The following SMPDL3A variants were observed in gnomAD, a reference collection of about 807,000 sequenced individuals.
SMPDL3A encodes sphingomyelin phosphodiesterase acid like 3A, also known as cyclic GMP-AMP phosphodiesterase SMPDL3A.
A neutral mutation model predicts 38.5 loss-of-function variants in SMPDL3A; 39 were observed. The observed-to-expected ratio is 1.01, with a 90% CI of 0.78 to 1.32. The LOEUF (loss-of-function observed/expected upper bound fraction) is 1.32, where lower values mean the gene tolerates loss of function less well. Ranked by LOEUF, SMPDL3A falls within the 40% of genes most tolerant of loss-of-function variation. The pLI, the probability that SMPDL3A is intolerant of heterozygous loss-of-function variation, is 0.00. For synonymous variants in SMPDL3A, 180 were observed against 194.3 expected (o/e 0.93, Z 0.61); for missense variants, 502 against 536.2 (o/e 0.94, Z 0.63).
chr6:122,804,214 C>G (rs1284682733), intron 5 of SMPDL3A, among the ~76,000 whole-genome samples: 1 of 152,006 alleles, frequency 6.6e-6, no homozygotes, highest in Non-Finnish European at 1.5e-5. Flanking sequence ...TCTTGAACTA[C>G]TGACCTAGGT....
At chr6:122,791,310 G>A (rs796704302) in intron 1 of SMPDL3A, among the ~76,000 whole-genome samples, 54 of 152,136 alleles carry the variant, frequency 3.5e-4, no homozygotes, top group African/African-American at 1.3e-3. Context: ...CTTGTGTATT[G>A]GTACTGTTAA....
intron 7 of SMPDL3A, among the ~76,000 whole-genome samples, chr6:122,808,604 TC>T (rs1562357652): frequency 4.3e-4 from 34 of 79,650 alleles, no homozygotes; most frequent in Middle Eastern, 5.8e-3. Context: ...CCTCCCTCCC[TC>T]CCTCCCTTCC....
chr6:122,796,085 T>C (rs1257673314), intron 2 of SMPDL3A, among the ~76,000 whole-genome samples, 195 bp downstream of exon 2: 1 of 152,068 alleles, frequency 6.6e-6, no homozygotes, highest in Non-Finnish European at 1.5e-5. Flanking sequence ...GGAATACAGA[T>C]TTCAGAAATA....
At chr6:122,790,522 A>G (rs967979783) in intron 1 of SMPDL3A, among the ~76,000 whole-genome samples, 1 of 152,154 alleles carries the variant, frequency 6.6e-6, no homozygotes, top group Non-Finnish European at 1.5e-5. Flanking sequence ...TAGTGCTGAA[A>G]CCTCTTTCGC....
chr6:122,789,527 A>G, intron 1 of SMPDL3A, 69 bp downstream of exon 1: 1 of 1,341,410 alleles, frequency 7.5e-7, no homozygotes, highest in South Asian at 1.3e-5. Flanking sequence ...TGCGCACAGC[A>G]GGAGAAAGTG....
intron 1 of SMPDL3A, among the ~76,000 whole-genome samples, chr6:122,792,634 T>TC (rs139738644): frequency 1.6e-3 from 238 of 146,494 alleles, no homozygotes; most frequent in Non-Finnish European, 3.0e-3. Context: ...TTCTTCTTCT[T>TC]CCCCTTTTTT....
chr6:122,798,616 G>A (rs1781328368), intron 3 of SMPDL3A, among the ~76,000 whole-genome samples: 1 of 152,182 alleles, frequency 6.6e-6, no homozygotes, highest in African/African-American at 2.4e-5. Context: ...TATGAAAAAG[G>A]CATAGCTTAC....
intron 1 of SMPDL3A, among the ~76,000 whole-genome samples, chr6:122,792,820 G>A (rs998113431): frequency 3.3e-5 from 5 of 151,982 alleles, no homozygotes; most frequent in Admixed American, 1.3e-4. Flanking sequence ...GAGCTCAAGC[G>A]ATCTTCCTGC....
At chr6:122,803,608 A>T (rs1333208527) in intron 4 of SMPDL3A, 56 bp from the exon 5 acceptor site, 1 of 1,384,202 alleles carries the variant, frequency 7.2e-7, no homozygotes, top group East Asian at 2.3e-5. Context: ...TTGCTTTCAC[A>T]ATGTTTGTGT....
intron 1 of SMPDL3A, chr6:122,789,793 G>A: frequency 4.1e-6 from 4 of 979,886 alleles, no homozygotes; most frequent in Non-Finnish European, 4.8e-6. Flanking sequence ...GGGAAGGAAG[G>A]AAAAGCTGCG....
intron 3 of SMPDL3A, 102 bp downstream of exon 3, chr6:122,797,070 T>C: frequency 1.1e-6 from 1 of 909,538 alleles, no homozygotes; most frequent in Admixed American, 2.2e-5. Flanking sequence ...GGAATGGGTC[T>C]TATAGAGGGA....
intron 3 of SMPDL3A, among the ~76,000 whole-genome samples, chr6:122,800,784 T>C (rs1356165316): frequency 4.6e-5 from 7 of 152,164 alleles, no homozygotes; most frequent in Admixed American, 4.6e-4. Flanking sequence ...AGAGCCTCAC[T>C]CAGTTGCCCA....
rs759118886 is a variant in SMPDL3A, at chr6:122,801,348, A to G, written c.510A>G (p.Ala170=). 2.7e-5 allele frequency: 43 copies of G among 1,613,580 alleles called. No individual in the cohort carries two copies. In the South Asian group the frequency reaches 3.4e-4, roughly 13 times the overall value. Residue 170 remains alanine, a synonymous_variant, in exon 4 of 8, where the codon GCA becomes GCG. Coordinates refer to ENST00000368440, the MANE Select transcript of SMPDL3A (RefSeq NM_006714.5). ...TAGTCACCAGTAAAGTGTACAATGC[A>G]GTAGCAAACCTCTGGAAACCATGGC... ...LPVVTSKVYN[A]VANLWKPWLD...
intron 4 of SMPDL3A, among the ~76,000 whole-genome samples, chr6:122,802,645 A>G (rs952462863): frequency 6.6e-6 from 1 of 152,214 alleles, no homozygotes; most frequent in African/African-American, 2.4e-5. Context: ...GGAGGCAGAA[A>G]AAAGCTGAGA....
At chr6:122,789,851 G>A (rs1162050671) in intron 1 of SMPDL3A, 1 of 985,314 alleles carries the variant, frequency 1.0e-6, no homozygotes, top group African/African-American at 1.7e-5. Flanking sequence ...AGCACAGCAA[G>A]AGGCCCCTAA....
chr6:122,790,398 C>T (rs1371877684), intron 1 of SMPDL3A, among the ~76,000 whole-genome samples: 1 of 152,142 alleles, frequency 6.6e-6, no homozygotes, highest in Non-Finnish European at 1.5e-5. Context: ...GTGCCCTCAC[C>T]TCCTCAACTC....
At chr6:122,802,376 A>AT (rs1221066277) in intron 4 of SMPDL3A, among the ~76,000 whole-genome samples, 1 of 151,634 alleles carries the variant, frequency 6.6e-6, no homozygotes, top group East Asian at 1.9e-4. Context: ...TAATTTTTGT[A>AT]TTTTTAGTAG....
At position 122,789,379 on chromosome 6, in the gene SMPDL3A, G is replaced by A; in HGVS notation, c.33G>A (p.Leu11=). MALVRALVCC[L]LTAWHCRSGL... is the part of the protein sequence containing the mutation. ...TGGTGCGCGCACTCGTCTGCTGCCT[G>A]CTGACTGCCTGGCACTGCCGCTCCG... is the stretch of plus-strand genomic sequence containing the variant. The change falls in exon 1 of 8, where the codon CTG becomes CTA. Residue 11 remains leucine, a synonymous_variant. Transcript: ENST00000368440. 2 of 1,548,722 alleles carry A rather than the reference G, an allele frequency of 1.3e-6. No individual in the cohort carries two copies. The highest frequency in any genetic ancestry group is 1.2e-5 in the South Asian group (1 of 83,942).
chr6:122,809,390 T>C lies in SMPDL3A; in HGVS notation c.1344T>C (p.Tyr448=), dbSNP rs1397504030. Reference sequence around the variant, plus strand: ...ATGCAGATTGCCTCAAACAGCTTTATATAAAGCACAATTACTAGTATTTCA... The same window carrying C: ...ATGCAGATTGCCTCAAACAGCTTTACATAAAGCACAATTACTAGTATTTCA... ...ISYADCLKQL[Y]IKHNY is the part of the protein sequence containing the mutation. The change falls in exon 8 of 8, where the codon TAT becomes TAC. Residue 448 remains tyrosine, a synonymous_variant. Transcript: ENST00000368440. 6.2e-7 allele frequency: 1 copy of C among 1,609,350 alleles called. No homozygotes were observed. Among genetic ancestry groups the C allele is most frequent in the Admixed American group, 1.7e-5 (1 of 59,826 alleles).
Sources: gnomAD v4.1 joint callset for allele counts (sites outside exome capture counted in the v4.1 genomes callset) on GRCh38, gnomAD v4.1.1 for gene constraint, MANE v1.5 for transcripts, NCBI Gene and HGNC (gene_info 2026-07-23, HGNC 2026-07-21) for gene names.